The following NRG3 variants were observed in gnomAD, a reference collection of about 807,000 sequenced individuals.
The protein encoded by NRG3 is pro-neuregulin-3, membrane-bound isoform.
A neutral mutation model predicts 66.9 loss-of-function variants in NRG3; 31 were observed. The observed-to-expected ratio is 0.46, with a 90% CI of 0.35 to 0.63. The LOEUF (loss-of-function observed/expected upper bound fraction) is 0.63, where lower values mean the gene tolerates loss of function less well. Ranked by LOEUF, NRG3 falls within the 20% of genes least tolerant of loss-of-function variation. The pLI, the probability that NRG3 is intolerant of heterozygous loss-of-function variation, is 0.00. For synonymous variants in NRG3, 393 were observed against 359.4 expected (o/e 1.09, Z -1.06); for missense variants, 910 against 878.9 (o/e 1.04, Z -0.45).
intron 2 of NRG3, among the ~76,000 whole-genome samples, chr10:82,517,637 G>A (rs963982825): frequency 4.6e-5 from 4 of 87,628 alleles, no homozygotes; most frequent in African/African-American, 2.3e-4. Context: ...CCGCCCCCCC[G>A]TGTGTGTTTG....
intron 2 of NRG3, among the ~76,000 whole-genome samples, chr10:82,523,103 A>G (rs1846356564): frequency 6.6e-6 from 1 of 152,202 alleles, no homozygotes; most frequent in Non-Finnish European, 1.5e-5. Flanking sequence ...TCAGTACTTT[A>G]TTATGGAGCA....
At chr10:82,546,065 G>A (rs1388574945) in intron 2 of NRG3, among the ~76,000 whole-genome samples, 1 of 152,136 alleles carries the variant, frequency 6.6e-6, no homozygotes, top group East Asian at 1.9e-4. Flanking sequence ...CACTGCGGCT[G>A]GCTTATAATG....
intron 2 of NRG3, among the ~76,000 whole-genome samples, chr10:82,698,803 G>A (rs1565214512): frequency 3.0e-5 from 1 of 33,090 alleles, no homozygotes; most frequent in Non-Finnish European, 1.4e-4. Context: ...ATGTATTTGC[G>A]TCAGTACTGC....
intron 1 of NRG3, among the ~76,000 whole-genome samples, chr10:82,119,690 G>A (rs1225071138): frequency 6.6e-6 from 1 of 152,044 alleles, no homozygotes; most frequent in Non-Finnish European, 1.5e-5. Context: ...CTTGAATTTG[G>A]ACAAATATAT....
chr10:82,920,312 G>A (rs1163878744), intron 4 of NRG3, among the ~76,000 whole-genome samples: 1 of 152,106 alleles, frequency 6.6e-6, no homozygotes, highest in Admixed American at 6.6e-5. Flanking sequence ...ATGGTAGTTG[G>A]TGGAAGCCAG....
intron 1 of NRG3, among the ~76,000 whole-genome samples, chr10:82,323,886 C>T (rs926398571): frequency 7.9e-5 from 12 of 152,124 alleles, no homozygotes; most frequent in Admixed American, 2.0e-4. Context: ...ATTTATGAGA[C>T]GGAGTTTCAC....
At chr10:82,411,683 T>C (rs2088104172) in intron 2 of NRG3, among the ~76,000 whole-genome samples, 1 of 152,134 alleles carries the variant, frequency 6.6e-6, no homozygotes, top group African/African-American at 2.4e-5. Context: ...GAATAACTGT[T>C]TGAGAATGAG....
intron 1 of NRG3, among the ~76,000 whole-genome samples, chr10:81,877,414 T>G (rs1841772845): frequency 6.6e-6 from 1 of 152,172 alleles, no homozygotes; most frequent in South Asian, 2.1e-4. Flanking sequence ...TATATTGTAT[T>G]TGTGTTTTGA....
chr10:82,564,332 G>A (rs1484526663), intron 2 of NRG3, among the ~76,000 whole-genome samples: 2 of 152,082 alleles, frequency 1.3e-5, no homozygotes, highest in African/African-American at 4.8e-5. Flanking sequence ...GAGCTTCTCT[G>A]AATTGATTAA....
intron 2 of NRG3, among the ~76,000 whole-genome samples, chr10:82,596,568 A>G (rs2047292797): frequency 6.6e-6 from 1 of 152,194 alleles, no homozygotes; most frequent in Non-Finnish European, 1.5e-5. Flanking sequence ...GGCATTCAGC[A>G]GTCCCTGGTA....
chr10:82,366,407 G>A (rs957024750), intron 2 of NRG3, among the ~76,000 whole-genome samples: 1 of 152,130 alleles, frequency 6.6e-6, no homozygotes, highest in Non-Finnish European at 1.5e-5. Flanking sequence ...GAGAATTCCT[G>A]TCTACTGTAT....
At chr10:82,186,310 C>T (rs1470441556) in intron 1 of NRG3, among the ~76,000 whole-genome samples, 1 of 152,140 alleles carries the variant, frequency 6.6e-6, no homozygotes, top group Non-Finnish European at 1.5e-5. Flanking sequence ...TTGCTATCCT[C>T]GCTGAAGTGA....
At chr10:82,922,926 C>G (rs1294734630) in intron 4 of NRG3, among the ~76,000 whole-genome samples, 1 of 152,144 alleles carries the variant, frequency 6.6e-6, no homozygotes, top group Non-Finnish European at 1.5e-5. Flanking sequence ...CCTCCTCTCT[C>G]TCATCTGACT....
At chr10:82,411,344 C>T (rs557340003) in intron 2 of NRG3, among the ~76,000 whole-genome samples, 1 of 152,098 alleles carries the variant, frequency 6.6e-6, no homozygotes, top group Non-Finnish European at 1.5e-5. Flanking sequence ...TACCAAATGA[C>T]GTTTGTTTGT....
intron 3 of NRG3, among the ~76,000 whole-genome samples, chr10:82,845,934 A>G (rs2063289806): frequency 6.6e-6 from 1 of 152,182 alleles, no homozygotes. Context: ...AACCCTGGGA[A>G]TTTATTAAAC....
chr10:82,394,478 G>T (rs969300910), intron 2 of NRG3, among the ~76,000 whole-genome samples: 10 of 152,160 alleles, frequency 6.6e-5, no homozygotes, highest in African/African-American at 2.4e-4. Context: ...GGGATAGTGA[G>T]AAATTTATGG....
chr10:82,134,180 T>G (rs964216589), intron 1 of NRG3, among the ~76,000 whole-genome samples: 3 of 152,180 alleles, frequency 2.0e-5, no homozygotes, highest in Non-Finnish European at 4.4e-5. Context: ...ACATGCATAG[T>G]TTGCAAAAAT....
chr10:82,593,561 A>AT (rs35626665), intron 2 of NRG3, among the ~76,000 whole-genome samples: 88,519 of 150,794 alleles, frequency 0.59, 28,449 homozygotes, highest in African/African-American at 0.85. Flanking sequence ...TTCTCGGCTC[A>AT]TTTTTTTTTC....
rs150194132 is a variant in NRG3 at position 82,630,895 on chromosome 10, T to C, written c.954-107682T>C. 1.1e-3 allele frequency among the ~76,000 whole-genome samples: 163 copies of C among 152,320 alleles called. 2 individuals are homozygous for C. The highest frequency in any genetic ancestry group is 3.7e-3 in the African/African-American group (155 of 41,562). ...TGTTTTTACTATTCAAAAGAGGTTT[T>C]AATTACATTTTTGTTCACAAAGACT... is the stretch of plus-strand genomic sequence containing the variant. On this transcript the variant is annotated intron_variant, in intron 2 of 8. Coordinates refer to ENST00000372141, the MANE Select transcript of NRG3 (RefSeq NM_001010848.4).
Sources: gnomAD v4.1 joint callset for allele counts (sites outside exome capture counted in the v4.1 genomes callset) on GRCh38, gnomAD v4.1.1 for gene constraint, MANE v1.5 for transcripts, NCBI Gene and HGNC (gene_info 2026-07-23, HGNC 2026-07-21) for gene names.